The following DNASE2B variants were observed in gnomAD, a reference collection of about 807,000 sequenced individuals.
DNASE2B encodes deoxyribonuclease-2-beta.
A neutral mutation model predicts 46.0 loss-of-function variants in DNASE2B; 43 were observed. The observed-to-expected ratio is 0.94, with a 90% CI of 0.73 to 1.21. DNASE2B has a LOEUF of 1.21. DNASE2B is among the 50% of genes most tolerant of loss of function. DNASE2B has a pLI of 0.00. For missense variants in DNASE2B, 395 were observed against 414.4 expected (o/e 0.95, Z 0.41); for synonymous variants, 156 against 152.5 (o/e 1.02, Z -0.17).
chr1:84,409,284 G>A (rs1680546572), intron 3 of DNASE2B, among the ~76,000 whole-genome samples: 2 of 151,768 alleles, frequency 1.3e-5, no homozygotes, highest in Admixed American at 6.6e-5. Context: ...ACTTTCCATG[G>A]CAACAAGTAT....
In DNASE2B at chr1:84,402,097, T is replaced by C; in HGVS notation, c.303+19T>C. 6.4e-7 allele frequency: 1 copy of C among 1,573,424 alleles called. No homozygotes were observed. Among genetic ancestry groups the C allele is most frequent in the East Asian group, 2.3e-5 (1 of 43,386 alleles). ...CTCTAAGGTATGTTATATAGTTAAT[T>C]GTTCACTTGAATAATATAAAATGCA... On this transcript the variant is annotated intron_variant, in intron 2 of 5. Coordinates refer to ENST00000370665, the MANE Select transcript of DNASE2B (RefSeq NM_021233.3).
chr1:84,401,156 T>G (rs543002239), intron 1 of DNASE2B, among the ~76,000 whole-genome samples: 2 of 152,284 alleles, frequency 1.3e-5, no homozygotes, highest in East Asian at 3.9e-4. Flanking sequence ...TTTTTGATAA[T>G]GTCTGGAGAT....
chr1:84,411,336 G>A (rs944645722), intron 4 of DNASE2B, among the ~76,000 whole-genome samples: 1 of 151,972 alleles, frequency 6.6e-6, no homozygotes, highest in Non-Finnish European at 1.5e-5. Flanking sequence ...TTCCCTTAAA[G>A]CCTCAGTTCC....
At chr1:84,402,123 T>C (rs41293027) in intron 2 of DNASE2B, 45 bp downstream of exon 2, 35,601 of 1,532,594 alleles carry the variant, frequency 0.023, 502 homozygotes, top group Non-Finnish European at 0.025. Flanking sequence ...ATAAAATGCA[T>C]AAAACTGAAT....
In DNASE2B at chr1:84,414,591, G is replaced by A. The variant is rs375823079; in HGVS notation, c.809G>A (p.Arg270Gln). Reference protein sequence around the residue: ...KTHLLTETWQRKRQELPSNCS... With the variant: ...KTHLLTETWQQKRQELPSNCS... ...CACTTGTTAACAGAAACCTGGCAGC[G>A]AAAAAGACAAGAGCTTCCTTCAAAC... Residue 270 changes from arginine to glutamine, a missense_variant, in exon 6 of 6, where the codon CGA (arginine) becomes CAA (glutamine). Physicochemically the swap from Arg to Gln is conservative, Grantham distance 43 (BLOSUM62 1). Transcript: ENST00000370665. The A allele has an allele frequency of 1.8e-4, 284 of 1,613,912 alleles. No individual in the cohort carries two copies. The highest frequency in any genetic ancestry group is 1.2e-4 in the Non-Finnish European group (137 of 1,179,996).
intron 4 of DNASE2B, among the ~76,000 whole-genome samples, chr1:84,411,425 GGTGTGTGTGTGTGTGTGTGTGTGT>G (rs71097845): frequency 0.4 from 56,236 of 139,360 alleles, 11,635 homozygotes; most frequent in Admixed American, 0.48. Context: ...AGAAACCTAG[GGTGTGTGTGTGTGTGTGTGTGTGT>G]GTGTGTGTGT....
intron 2 of DNASE2B, among the ~76,000 whole-genome samples, chr1:84,403,329 T>C (rs1680451235): frequency 6.6e-6 from 1 of 152,214 alleles, no homozygotes; most frequent in African/African-American, 2.4e-5. Context: ...ACTGATAACA[T>C]CAATAGTCGA....
At chr1:84,405,703 G>A (rs1431003972) in intron 2 of DNASE2B, among the ~76,000 whole-genome samples, 2 of 152,186 alleles carry the variant, frequency 1.3e-5, no homozygotes, top group African/African-American at 4.8e-5. Flanking sequence ...TCACGTGGAG[G>A]TTGTTAGTGT....
chr1:84,411,013 A>G lies in DNASE2B; in HGVS notation c.547+14A>G. 6.4e-7 allele frequency: 1 copy of G among 1,553,530 alleles called. No individual in the cohort carries two copies. The highest frequency in any genetic ancestry group is 8.7e-7 in the Non-Finnish European group (1 of 1,152,798). ...ATGAGGCAATAGGTAAAACTAAAGTATGTGAGAAAAAAAACGATAACTATG... is the reference window on the plus strand; with the variant it reads ...ATGAGGCAATAGGTAAAACTAAAGTGTGTGAGAAAAAAAACGATAACTATG... On this transcript the variant is annotated intron_variant, in intron 4 of 5. Coordinates refer to ENST00000370665, the MANE Select transcript of DNASE2B (RefSeq NM_021233.3).
chr1:84,401,869 T>C (rs1311496976), intron 1 of DNASE2B, 32 bp from the exon 2 acceptor site: 2 of 1,424,268 alleles, frequency 1.4e-6, no homozygotes, highest in Admixed American at 6.2e-5. Context: ...AGTCAATAAA[T>C]GTTAGTAATT....
At chr1:84,399,217 T>A (rs879817437) in intron 1 of DNASE2B, among the ~76,000 whole-genome samples, 20 of 152,248 alleles carry the variant, frequency 1.3e-4, no homozygotes, top group Middle Eastern at 3.2e-3. Flanking sequence ...TGGCCTGTTG[T>A]ACAGTGTCAA....
intron 2 of DNASE2B, among the ~76,000 whole-genome samples, chr1:84,405,581 T>A (rs902113164): frequency 2.0e-5 from 3 of 152,154 alleles, no homozygotes; most frequent in African/African-American, 7.2e-5. Context: ...TCAGTATAGG[T>A]CCTACGGTTT....
intron 2 of DNASE2B, among the ~76,000 whole-genome samples, chr1:84,403,937 C>T (rs1680459511): frequency 6.7e-6 from 1 of 149,822 alleles, no homozygotes; most frequent in Admixed American, 6.8e-5. Context: ...CAGGCATGCA[C>T]CACCATGCCT....
At chr1:84,410,000 CT>C (rs1236325717) in intron 3 of DNASE2B, among the ~76,000 whole-genome samples, 1 of 151,738 alleles carries the variant, frequency 6.6e-6, no homozygotes, top group Non-Finnish European at 1.5e-5. Flanking sequence ...AAAATAGGCA[CT>C]TTGAAAAAAA....
At position 84,414,735 on chromosome 1, in the gene DNASE2B, G is replaced by A. The variant is rs146223730; in HGVS notation, c.953G>A (p.Arg318His). 141 of 1,614,112 alleles carry A rather than the reference G, an allele frequency of 8.7e-5. 1 individual carries two copies. The highest frequency in any genetic ancestry group is 6.5e-4 in the African/African-American group (49 of 75,016). ...ATTTCCCAAAAGGGCACCAAAAATC[G>A]CTGGACATGTATTGGAGACCTAAAT... The part of the protein sequence containing the change: ...WCISQKGTKN[R>H]WTCIGDLNRS... The change falls in exon 6 of 6, where the codon CGC becomes CAC. Residue 318 changes from arginine to histidine, a missense_variant. Arg to His is a conservative substitution (Grantham distance 29, BLOSUM62 0). Transcript: ENST00000370665.
intron 1 of DNASE2B, among the ~76,000 whole-genome samples, chr1:84,400,490 TA>T (rs1363899788): frequency 7.2e-5 from 11 of 152,328 alleles, no homozygotes; most frequent in African/African-American, 2.6e-4. Context: ...AGCAAAATAT[TA>T]TAAATTTGGT....
intron 5 of DNASE2B, 69 bp from the exon 6 acceptor site, chr1:84,414,459 G>T (rs1558505498): frequency 7.5e-7 from 1 of 1,330,296 alleles, no homozygotes. Context: ...TTCCATTCCA[G>T]AGTATATTTT....
chr1:84,401,397 C>T (rs3117747), intron 1 of DNASE2B, among the ~76,000 whole-genome samples: 76,107 of 152,042 alleles, frequency 0.5, 19,023 homozygotes, highest in Middle Eastern at 0.6. Context: ...TGGAAAACAA[C>T]AGTAAAGGAA....
At chr1:84,400,201 T>C (rs1027976974) in intron 1 of DNASE2B, among the ~76,000 whole-genome samples, 1 of 152,080 alleles carries the variant, frequency 6.6e-6, no homozygotes, top group Non-Finnish European at 1.5e-5. Flanking sequence ...AAACCCCATC[T>C]TTACTAAAAA....
Sources: allele counts gnomAD v4.1 joint callset (sites outside exome capture counted in the v4.1 genomes callset), GRCh38; gene constraint gnomAD v4.1.1; transcripts MANE v1.5; gene names NCBI Gene and HGNC (gene_info 2026-07-23, HGNC 2026-07-21).